UNC13C: variants seen among roughly 807,000 people sequenced by gnomAD.
The protein encoded by UNC13C is unc-13 homolog C, also known as protein unc-13 homolog C.
In UNC13C, 174 loss-of-function variants were observed where a neutral mutation model predicts 245.4. That is an observed-to-expected ratio of 0.71 (90% CI 0.63 to 0.80). The LOEUF (loss-of-function observed/expected upper bound fraction) is 0.80. Ranked by LOEUF, UNC13C falls within the 30% of genes least tolerant of loss-of-function variation. The pLI is 0.00. For synonymous variants in UNC13C, 992 were observed against 895.1 expected, an observed-to-expected ratio of 1.11 and a Z score of -1.93; for missense variants, 2,829 against 2,602.9, an observed-to-expected ratio of 1.09 and a Z score of -1.89.
chr15:54,053,830 C>T (rs1460724392), intron 2 of UNC13C, among the ~76,000 whole-genome samples: 1 of 152,160 alleles, frequency 6.6e-6, no homozygotes, highest in African/African-American at 2.4e-5. Context: ...CGTCTACTCT[C>T]TATCTCCATG....
intron 19 of UNC13C, among the ~76,000 whole-genome samples, chr15:54,418,210 T>C (rs2040561669): frequency 6.6e-6 from 1 of 152,164 alleles, no homozygotes; most frequent in Non-Finnish European, 1.5e-5. Context: ...ACAATCTATT[T>C]TACATTAGCA....
At chr15:53,871,199 CT>C in the UNC13C span, among the ~76,000 whole-genome samples, 1 of 152,124 alleles carries the variant, frequency 6.6e-6, no homozygotes, top group Non-Finnish European at 1.5e-5. Context: ...ATTTTTACCC[CT>C]CTTCCTCTGC....
intron 4 of UNC13C, among the ~76,000 whole-genome samples, chr15:54,174,950 G>C (rs1208967978): frequency 1.3e-5 from 2 of 152,108 alleles, no homozygotes; most frequent in African/African-American, 2.4e-5. Context: ...ATTAAATTTT[G>C]CTTTTGTAAA....
At chr15:54,244,782 T>G (rs1271049768) in intron 7 of UNC13C, among the ~76,000 whole-genome samples, 1 of 152,188 alleles carries the variant, frequency 6.6e-6, no homozygotes, top group Non-Finnish European at 1.5e-5. Flanking sequence ...TACCTGTTGT[T>G]TGCGTATAGA....
chr15:54,377,231 C>G (rs893556434), intron 17 of UNC13C, among the ~76,000 whole-genome samples: 4 of 152,166 alleles, frequency 2.6e-5, no homozygotes, highest in African/African-American at 7.2e-5. Flanking sequence ...AGAGCAGAGA[C>G]AAGCATTGAG....
intron 2 of UNC13C, among the ~76,000 whole-genome samples, chr15:54,088,791 A>G (rs1384499700): frequency 1.3e-5 from 2 of 152,238 alleles, no homozygotes; most frequent in Non-Finnish European, 2.9e-5. Context: ...GAAGTAATAA[A>G]TGGGGATTTA....
intron 19 of UNC13C, among the ~76,000 whole-genome samples, chr15:54,426,708 G>C (rs899105410): frequency 2.6e-5 from 4 of 151,710 alleles, no homozygotes; most frequent in Non-Finnish European, 1.5e-5. Context: ...TAGTCTCAAA[G>C]ACATTGGCTT....
intron 2 of UNC13C, among the ~76,000 whole-genome samples, chr15:54,020,166 A>G (rs1265738187): frequency 3.3e-5 from 5 of 152,172 alleles, no homozygotes; most frequent in African/African-American, 1.2e-4. Flanking sequence ...CACTACTAAA[A>G]GCTATGTAGC....
At chr15:53,902,792 G>A in the UNC13C span, among the ~76,000 whole-genome samples, 11,150 of 152,180 alleles carry the variant, frequency 0.073, 502 homozygotes, top group South Asian at 0.19. Flanking sequence ...GGTGAGTACT[G>A]CATCAAATGG....
chr15:53,993,523 C>T (rs1010387159), intron 1 of UNC13C, among the ~76,000 whole-genome samples: 13 of 152,024 alleles, frequency 8.6e-5, no homozygotes, highest in Non-Finnish European at 1.8e-4. Context: ...CATGTCTTTC[C>T]ATTCATTCTG....
At chr15:53,915,561 T>A in the UNC13C span, among the ~76,000 whole-genome samples, 3 of 152,016 alleles carry the variant, frequency 2.0e-5, no homozygotes, top group Non-Finnish European at 4.4e-5. Flanking sequence ...AAATAAAAAG[T>A]CACAAAGGAC....
chr15:54,267,768 G>A (rs928856369), intron 10 of UNC13C, among the ~76,000 whole-genome samples: 1 of 151,692 alleles, frequency 6.6e-6, no homozygotes, highest in African/African-American at 2.4e-5. Context: ...CTAGTGTTTA[G>A]GGTTTGTTTA....
chr15:54,004,043 C>A (rs936449824), intron 1 of UNC13C, among the ~76,000 whole-genome samples: 2 of 151,928 alleles, frequency 1.3e-5, no homozygotes, highest in African/African-American at 2.4e-5. Context: ...AACAAACAAA[C>A]AAAAAAACCA....
chr15:54,430,808 G>A (rs1410094653), intron 19 of UNC13C, among the ~76,000 whole-genome samples: 1 of 151,748 alleles, frequency 6.6e-6, no homozygotes, highest in Non-Finnish European at 1.5e-5. Context: ...CTTTCATTCA[G>A]TTATTCCACT....
chr15:54,603,826 G>T (rs1424918244), intron 30 of UNC13C, among the ~76,000 whole-genome samples: 4 of 152,140 alleles, frequency 2.6e-5, no homozygotes, highest in Admixed American at 2.6e-4. Context: ...TCGCAGCACT[G>T]CACTCCAGTC....
chr15:54,011,792 C>T (rs961085679), intron 1 of UNC13C, among the ~76,000 whole-genome samples: 1 of 152,144 alleles, frequency 6.6e-6, no homozygotes, highest in Non-Finnish European at 1.5e-5. Flanking sequence ...TGGCTCCTGG[C>T]CAGAACATGT....
chr15:54,175,111 T>A (rs2899522), intron 4 of UNC13C, among the ~76,000 whole-genome samples: 1 of 151,838 alleles, frequency 6.6e-6, no homozygotes, highest in Non-Finnish European at 1.5e-5. Context: ...CATTCATGAC[T>A]CCAACAGGGG....
chr15:54,400,775 A>C (rs1324995284), intron 18 of UNC13C, among the ~76,000 whole-genome samples: 1 of 152,168 alleles, frequency 6.6e-6, no homozygotes, highest in African/African-American at 2.4e-5. Context: ...TTATACTTTA[A>C]GTTCTAGGGT....
intron 1 of UNC13C, among the ~76,000 whole-genome samples, chr15:53,983,821 C>T (rs1483534799): frequency 1.3e-5 from 2 of 151,932 alleles, no homozygotes; most frequent in Non-Finnish European, 2.9e-5. Flanking sequence ...CTGGGTCTCT[C>T]AAGCAGCTCC....
Sources: gnomAD v4.1 joint callset for allele counts (sites outside exome capture counted in the v4.1 genomes callset) on GRCh38, gnomAD v4.1.1 for gene constraint, MANE v1.5 for transcripts, NCBI Gene and HGNC (gene_info 2026-07-23, HGNC 2026-07-21) for gene names.